STARD13: variants seen among roughly 807,000 people sequenced by gnomAD.
STARD13 encodes the protein StAR related lipid transfer domain containing 13.
A neutral mutation model predicts 106.4 loss-of-function variants in STARD13; 62 were observed. The observed-to-expected ratio is 0.58, with a 90% CI of 0.48 to 0.72. STARD13 has a LOEUF of 0.72. Among genes scored for constraint, STARD13 ranks in the 30% least tolerant of loss-of-function variants. The probability of loss-of-function intolerance (pLI) is 0.00; values close to 1 mark genes in which losing one functional copy is unlikely to be tolerated. For missense variants in STARD13, 1,387 were observed against 1,424.0 expected (o/e 0.97, Z 0.42); for synonymous variants, 565 against 553.0 (o/e 1.02, Z -0.31).
Position 33,140,762 on chromosome 13 carries a change from C to CTTTTTTT in STARD13, c.387+1547_387+1548insAAAAAAA. ...GACCAGGATAAAAACACTTTCTTTT[C>CTTTTTTT]TTTCTTTTTTTTTTTTTTGAGGCGG... On this transcript the variant is annotated intron_variant, in intron 4 of 13. Coordinates refer to ENST00000336934, the MANE Select transcript of STARD13 (RefSeq NM_178006.4). 1.4e-5 allele frequency among the ~76,000 whole-genome samples: 2 copies of CTTTTTTT among 142,304 alleles called. 1 individual carries two copies. Among genetic ancestry groups the CTTTTTTT allele is most frequent in the Non-Finnish European group, 3.1e-5 (2 of 64,908 alleles). 93.4% of individuals were successfully genotyped at this position (142,304 alleles called of 152,430 possible).
the STARD13 span, among the ~76,000 whole-genome samples, chr13:33,430,146 T>C: frequency 6.6e-6 from 1 of 152,204 alleles, no homozygotes; most frequent in South Asian, 2.1e-4. Flanking sequence ...CTCGATCTCC[T>C]GACCTAGTGA....
Position 33,263,914 on chromosome 13 carries a change from C to A in STARD13, c.169+21556G>T, listed in dbSNP as rs192560293. On this transcript the variant is annotated intron_variant, in intron 1 of 13. Coordinates refer to ENST00000336934, the MANE Select transcript of STARD13 (RefSeq NM_178006.4). Reference sequence around the variant, plus strand: ...TCTGCTCTTCTTGAACCTGAGCAGACCTTTATGGCTATGTTGACTAATAGA... The same window carrying A: ...TCTGCTCTTCTTGAACCTGAGCAGAACTTTATGGCTATGTTGACTAATAGA... Among the ~76,000 whole-genome samples, 13 of 152,266 alleles carry A rather than the reference C, an allele frequency of 8.5e-5. No individual in the cohort carries two copies. The East Asian group carries it at 2.1e-3, about 25-fold the overall frequency.
the STARD13 span, among the ~76,000 whole-genome samples, chr13:33,377,590 C>T: frequency 2.6e-5 from 4 of 151,042 alleles, no homozygotes; most frequent in South Asian, 8.4e-4. Context: ...TTCTCCCCCA[C>T]CCCCGCTTAT....
intron 1 of STARD13, among the ~76,000 whole-genome samples, chr13:33,213,514 G>C (rs539695446): frequency 6.6e-6 from 1 of 152,200 alleles, no homozygotes; most frequent in Non-Finnish European, 1.5e-5. Context: ...TCTGCTCTTT[G>C]TTTCTGTTGC....
the STARD13 span, among the ~76,000 whole-genome samples, chr13:33,663,527 T>C: frequency 6.6e-6 from 1 of 152,210 alleles, no homozygotes; most frequent in Non-Finnish European, 1.5e-5. Context: ...GCCTTTGTCA[T>C]ATATTTAGCT....
At chr13:33,421,201 G>C in the STARD13 span, among the ~76,000 whole-genome samples, 1 of 152,094 alleles carries the variant, frequency 6.6e-6, no homozygotes, top group East Asian at 1.9e-4. Context: ...CTGCTAGTAA[G>C]ACTAATAAAG....
intron 1 of STARD13, among the ~76,000 whole-genome samples, chr13:33,237,301 C>T (rs895807820): frequency 6.6e-6 from 1 of 152,288 alleles, no homozygotes; most frequent in Non-Finnish European, 1.5e-5. Context: ...ATGTTGTAAT[C>T]CCTGTTTTTC....
the STARD13 span, among the ~76,000 whole-genome samples, chr13:33,581,480 A>T: frequency 6.6e-6 from 1 of 152,298 alleles, no homozygotes; most frequent in East Asian, 1.9e-4. Context: ...GTGCAGCAAC[A>T]TTCATTTGAA....
chr13:33,559,521 T>A, the STARD13 span, among the ~76,000 whole-genome samples: 1 of 151,534 alleles, frequency 6.6e-6, no homozygotes, highest in Admixed American at 6.6e-5. Flanking sequence ...TAGATGAGGT[T>A]GTGAGGGTAC....
intron 1 of STARD13, among the ~76,000 whole-genome samples, chr13:33,240,219 C>T (rs187670161): frequency 6.6e-6 from 1 of 152,252 alleles, no homozygotes; most frequent in East Asian, 1.9e-4. Context: ...TTCCTTGGCT[C>T]TCTATTCTGT....
At chr13:33,261,791 T>A (rs1890651826) in intron 1 of STARD13, among the ~76,000 whole-genome samples, 1 of 152,220 alleles carries the variant, frequency 6.6e-6, no homozygotes, top group Non-Finnish European at 1.5e-5. Flanking sequence ...AAAAGGGGAT[T>A]AAAATGTCAC....
intron 1 of STARD13, chr13:33,274,047 A>G (rs530909124): frequency 6.6e-6 from 1 of 151,976 alleles, no homozygotes; most frequent in East Asian, 1.9e-4. Context: ...GGAAGCAATC[A>G]GCACCATGCT....
the STARD13 span, among the ~76,000 whole-genome samples, chr13:33,666,381 C>T: frequency 6.6e-6 from 1 of 152,142 alleles, no homozygotes; most frequent in Non-Finnish European, 1.5e-5. Flanking sequence ...GCAAGCTCCA[C>T]CTCCCAGGTT....
the STARD13 span, among the ~76,000 whole-genome samples, chr13:33,363,911 C>T: frequency 6.6e-6 from 1 of 152,106 alleles, no homozygotes; most frequent in Non-Finnish European, 1.5e-5. Flanking sequence ...ATGCGTTACC[C>T]TTCCAAATGT....
the STARD13 span, among the ~76,000 whole-genome samples, chr13:33,607,697 A>C: frequency 6.6e-6 from 1 of 152,232 alleles, no homozygotes; most frequent in South Asian, 2.1e-4. Flanking sequence ...ATTATCGTCC[A>C]CACAGTTAAT....
chr13:33,498,591 T>C, the STARD13 span, among the ~76,000 whole-genome samples: 1,306 of 152,290 alleles, frequency 8.6e-3, 5 homozygotes, highest in Middle Eastern at 0.02. Context: ...TGGGTCCAAA[T>C]TATACATATT....
intron 4 of STARD13, among the ~76,000 whole-genome samples, chr13:33,132,008 C>T (rs1321652719): frequency 6.6e-6 from 1 of 152,162 alleles, no homozygotes; most frequent in East Asian, 1.9e-4. Flanking sequence ...TTTAACCTTG[C>T]AGTGTGTTGT....
chr13:33,305,368 A>T (rs1268586147), intron 1 of STARD13, among the ~76,000 whole-genome samples: 1 of 152,244 alleles, frequency 6.6e-6, no homozygotes, highest in African/African-American at 2.4e-5. Context: ...TAAATCTTGG[A>T]TTAGGTAGAG....
intron 3 of STARD13, among the ~76,000 whole-genome samples, chr13:33,153,040 A>T (rs1881490101): frequency 2.0e-5 from 3 of 152,224 alleles, no homozygotes; most frequent in African/African-American, 7.2e-5. Flanking sequence ...TCTAGCTAAG[A>T]AGGAGGGTGA....
Sources: allele counts gnomAD v4.1 joint callset (sites outside exome capture counted in the v4.1 genomes callset), GRCh38; gene constraint gnomAD v4.1.1; transcripts MANE v1.5; gene names NCBI Gene and HGNC (gene_info 2026-07-23, HGNC 2026-07-21).